Variants in LRP12 observed in about 807,000 individuals in gnomAD.
The protein encoded by LRP12 is LDL receptor related protein 12.
LRP12 carries 14 observed loss-of-function variants against 66.0 expected under a neutral mutation model. The observed-to-expected ratio is 0.21, with a 90% confidence interval of 0.14 to 0.33. The LOEUF (loss-of-function observed/expected upper bound fraction) is 0.33, where lower values mean the gene tolerates loss of function less well. Ranked by LOEUF, LRP12 falls within the 10% of genes least tolerant of loss-of-function variation. The pLI is 1.00. For missense variants in LRP12, 889 were observed against 1,053.4 expected (o/e 0.84, Z 2.16); for synonymous variants, 357 against 359.1 (o/e 0.99, Z 0.07).
chr8:104,578,163 AAAG>A (rs1408731670), intron 1 of LRP12, among the ~76,000 whole-genome samples: 4 of 152,102 alleles, frequency 2.6e-5, no homozygotes, highest in East Asian at 1.9e-4. Flanking sequence ...CTAGGCTAAT[AAAG>A]AAGAGAGAAA....
At chr8:104,553,206 A>C (rs906275965) in intron 1 of LRP12, among the ~76,000 whole-genome samples, 2 of 152,254 alleles carry the variant, frequency 1.3e-5, no homozygotes, top group Non-Finnish European at 1.5e-5. Flanking sequence ...ATTTCAACTG[A>C]ATGTGAAGTT....
intron 1 of LRP12, among the ~76,000 whole-genome samples, chr8:104,572,279 G>A (rs75854808): frequency 0.013 from 1,910 of 152,284 alleles, 46 homozygotes; most frequent in African/African-American, 0.044. Flanking sequence ...TAAAGGAAGA[G>A]CAGGCAAGAG....
intron 6 of LRP12, among the ~76,000 whole-genome samples, chr8:104,492,517 C>G (rs1810651910): frequency 6.6e-6 from 1 of 152,122 alleles, no homozygotes; most frequent in Non-Finnish European, 1.5e-5. Flanking sequence ...TTGATATACT[C>G]TCCTTCAGTT....
intron 1 of LRP12, among the ~76,000 whole-genome samples, chr8:104,548,669 A>AATTAATTATATAAT (rs1564142541): frequency 1.3e-4 from 19 of 143,138 alleles, no homozygotes; most frequent in South Asian, 4.3e-4. Context: ...TATATAATTA[A>AATTAATTATATAAT]TATGGGTGCA....
chr8:104,550,165 A>T (rs1470706653), intron 1 of LRP12, among the ~76,000 whole-genome samples: 1 of 152,012 alleles, frequency 6.6e-6, no homozygotes, highest in Non-Finnish European at 1.5e-5. Context: ...TTCTTACAGC[A>T]CCCCTCTAAA....
intron 1 of LRP12, among the ~76,000 whole-genome samples, chr8:104,535,588 G>C (rs1260065248): frequency 6.6e-6 from 1 of 152,052 alleles, no homozygotes; most frequent in Middle Eastern, 3.4e-3. Context: ...GTATGTACCA[G>C]CCAAATCCTA....
intron 2 of LRP12, among the ~76,000 whole-genome samples, chr8:104,511,334 G>A (rs1051622992): frequency 2.0e-5 from 3 of 151,406 alleles, no homozygotes; most frequent in Non-Finnish European, 4.4e-5. Flanking sequence ...GAGCCACCGC[G>A]CCCAGCATTT....
At chr8:104,588,564 G>C (rs993874475) in intron 1 of LRP12, among the ~76,000 whole-genome samples, 1 of 152,074 alleles carries the variant, frequency 6.6e-6, no homozygotes, top group Non-Finnish European at 1.5e-5. Flanking sequence ...CCACCCCCTC[G>C]CTCCGCCGGG....
intron 1 of LRP12, among the ~76,000 whole-genome samples, chr8:104,538,235 G>A (rs10505061): frequency 0.031 from 4,674 of 152,188 alleles, 238 homozygotes; most frequent in African/African-American, 0.11. Flanking sequence ...AGCTACTATC[G>A]CATTTTCCCT....
chr8:104,508,780 ACT>A, intron 3 of LRP12, 157 bp downstream of exon 3: 2 of 590,556 alleles, frequency 3.4e-6, no homozygotes, highest in Admixed American at 6.1e-5. Context: ...ATGGGCTGTT[ACT>A]CTTACTCTTA....
At chr8:104,547,211 T>C (rs1811584168) in intron 1 of LRP12, among the ~76,000 whole-genome samples, 1 of 139,938 alleles carries the variant, frequency 7.1e-6, no homozygotes, top group Non-Finnish European at 1.5e-5. Flanking sequence ...TTGTATATAA[T>C]ATACAATTCT....
At chr8:104,508,700 C>T in intron 3 of LRP12, 1 of 350,862 alleles carries the variant, frequency 2.9e-6, no homozygotes, top group Non-Finnish European at 5.1e-6. Context: ...TAAAAAGTAG[C>T]TTAGAAGAAT....
At chr8:104,496,819 G>A (rs1810734974) in intron 5 of LRP12, among the ~76,000 whole-genome samples, 153 bp downstream of exon 5, 1 of 151,954 alleles carries the variant, frequency 6.6e-6, no homozygotes, top group Non-Finnish European at 1.5e-5. Context: ...CTGAGTCTCG[G>A]GTTTTTCACG....
Position 104,588,919 on chromosome 8 carries a change from AGAGGAGGAGACG to A in LRP12, c.-34_-23del, listed in dbSNP as rs780332492. On this transcript the variant is annotated 5_prime_UTR_variant, in exon 1 of 7. Transcript: ENST00000276654. ...CCATAACCACAGCAGATGGAGAGAGAGAGGAGGAGACGGAGGAGGAGGGAGGAGAAGCTGGAG... is the reference window on the plus strand; with the variant it reads ...CCATAACCACAGCAGATGGAGAGAGAGAGGAGGAGGGAGGAGAAGCTGGAG... 16 of 1,579,052 alleles carry A rather than the reference AGAGGAGGAGACG, an allele frequency of 1.0e-5. No homozygotes were observed. The highest frequency in any genetic ancestry group is 6.8e-5 in the African/African-American group (5 of 73,622).
chr8:104,499,552 G>T, intron 3 of LRP12, 33 bp from the exon 4 acceptor site: 1 of 1,484,246 alleles, frequency 6.7e-7, no homozygotes, highest in Non-Finnish European at 9.2e-7. Flanking sequence ...CTATTAAAAA[G>T]TCAATTTTGG....
At chr8:104,501,037 C>T (rs1300548904) in intron 3 of LRP12, among the ~76,000 whole-genome samples, 1 of 152,168 alleles carries the variant, frequency 6.6e-6, no homozygotes, top group African/African-American at 2.4e-5. Flanking sequence ...AAATCCTTTT[C>T]CAATTTTTGG....
intron 3 of LRP12, among the ~76,000 whole-genome samples, chr8:104,501,725 T>G (rs1246182634): frequency 6.6e-6 from 1 of 151,932 alleles, no homozygotes; most frequent in Non-Finnish European, 1.5e-5. Context: ...AAAAATGGAT[T>G]CAAGTCCTTT....
At chr8:104,588,316 G>A (rs1430841517) in intron 1 of LRP12, among the ~76,000 whole-genome samples, 1 of 152,222 alleles carries the variant, frequency 6.6e-6, no homozygotes, top group Non-Finnish European at 1.5e-5. Context: ...GAAGTCAGCG[G>A]GAAGCCTTTT....
chr8:104,555,044 T>C (rs1163278864), intron 1 of LRP12, among the ~76,000 whole-genome samples: 2 of 152,166 alleles, frequency 1.3e-5, no homozygotes, highest in African/African-American at 2.4e-5. Flanking sequence ...AAATGAAAGA[T>C]ACAGCCTTTT....
Sources: gnomAD v4.1 joint callset for allele counts (sites outside exome capture counted in the v4.1 genomes callset) on GRCh38, gnomAD v4.1.1 for gene constraint, MANE v1.5 for transcripts, NCBI Gene and HGNC (gene_info 2026-07-23, HGNC 2026-07-21) for gene names.